The following HMGN3 variants were observed in gnomAD, a reference collection of about 807,000 sequenced individuals.
The protein encoded by HMGN3 is high mobility group nucleosome-binding domain-containing protein 3.
A neutral mutation model predicts 18.8 loss-of-function variants in HMGN3; 6 were observed. The ratio of observed to expected loss-of-function variants is 0.32; its 90% CI spans 0.18 to 0.63. The LOEUF is 0.63. Ranked by LOEUF, HMGN3 falls within the 30% of genes least tolerant of loss-of-function variation. The probability of loss-of-function intolerance (pLI) is 0.79; values close to 1 mark genes in which losing one functional copy is unlikely to be tolerated. For missense variants in HMGN3, 107 were observed against 114.2 expected (o/e 0.94, Z 0.29); for synonymous variants, 40 against 36.5 (o/e 1.10, Z -0.35).
At chr6:79,208,864 T>G (rs999651745) in intron 2 of HMGN3, among the ~76,000 whole-genome samples, 4 of 152,150 alleles carry the variant, frequency 2.6e-5, no homozygotes, top group African/African-American at 9.7e-5. Context: ...AACTTAGGCT[T>G]TATCCCAAAT....
At chr6:79,224,097 T>C (rs1777443414) in intron 1 of HMGN3, among the ~76,000 whole-genome samples, 2 of 152,174 alleles carry the variant, frequency 1.3e-5, no homozygotes, top group Non-Finnish European at 1.5e-5. Flanking sequence ...TCTTATGAGG[T>C]TGGTAAAACA....
At chr6:79,223,739 C>CT (rs11461795) in intron 1 of HMGN3, among the ~76,000 whole-genome samples, 50,494 of 147,374 alleles carry the variant, frequency 0.34, 9,490 homozygotes, top group Non-Finnish European at 0.44. Context: ...CTAGAGTTAC[C>CT]TTTTTTTTTT....
intron 1 of HMGN3, among the ~76,000 whole-genome samples, chr6:79,218,459 A>G (rs1039233140): frequency 3.3e-5 from 5 of 152,248 alleles, no homozygotes; most frequent in Non-Finnish European, 4.4e-5. Context: ...ACTGTGGTAT[A>G]TAATCAAATA....
At chr6:79,201,543 A>T in exon 6 of HMGN3, 1 of 613,328 alleles carries the variant, frequency 1.6e-6, no homozygotes, top group South Asian at 2.2e-5. Context: ...TGACTATGAG[A>T]CGATAAAATG....
chr6:79,202,728 G>A (rs1400137355), intron 4 of HMGN3, among the ~76,000 whole-genome samples: 1 of 152,156 alleles, frequency 6.6e-6, no homozygotes, highest in Non-Finnish European at 1.5e-5. Flanking sequence ...TGCAGGACTT[G>A]GGGAAGGAGG....
At chr6:79,210,732 T>A (rs754214525) in intron 2 of HMGN3, among the ~76,000 whole-genome samples, 21 of 152,174 alleles carry the variant, frequency 1.4e-4, no homozygotes, top group Admixed American at 2.6e-4. Flanking sequence ...TGCCTCCCTA[T>A]CTGCCATCTA....
intron 1 of HMGN3, among the ~76,000 whole-genome samples, chr6:79,218,880 G>A (rs1248286145): frequency 3.9e-5 from 6 of 152,028 alleles, no homozygotes; most frequent in Admixed American, 3.3e-4. Flanking sequence ...CTCAAAACAC[G>A]GATAAACTCT....
intron 1 of HMGN3, among the ~76,000 whole-genome samples, chr6:79,227,887 G>C (rs1384962393): frequency 6.6e-6 from 1 of 152,134 alleles, no homozygotes; most frequent in East Asian, 1.9e-4. Context: ...AGGTGCTATG[G>C]GGGATGAAAG....
chr6:79,234,510 T>C (rs1467697790), intron 1 of HMGN3, 36 bp downstream of exon 1: 2 of 1,604,992 alleles, frequency 1.2e-6, no homozygotes, highest in Non-Finnish European at 1.7e-6. Context: ...AAGCAGAATT[T>C]GAAGGCTTTT....
At chr6:79,210,885 G>GAGAC (rs1776652726) in intron 2 of HMGN3, among the ~76,000 whole-genome samples, 1 of 151,854 alleles carries the variant, frequency 6.6e-6, no homozygotes, top group African/African-American at 2.4e-5. Flanking sequence ...GGGATTTCCA[G>GAGAC]AGACATTCCA....
At chr6:79,208,634 AT>A in intron 2 of HMGN3, 58 bp from the exon 3 acceptor site, 1 of 1,299,280 alleles carries the variant, frequency 7.7e-7, no homozygotes, top group Non-Finnish European at 1.1e-6. Context: ...AACGAAGTTG[AT>A]TTTTAAAAAT....
At chr6:79,204,011 C>T (rs1345733004) in intron 3 of HMGN3, among the ~76,000 whole-genome samples, 1 of 152,246 alleles carries the variant, frequency 6.6e-6, no homozygotes, top group Admixed American at 6.5e-5. Flanking sequence ...GTTGCACTGG[C>T]CTTCCTAACA....
intron 1 of HMGN3, among the ~76,000 whole-genome samples, chr6:79,223,792 C>G (rs2127834305): frequency 1.3e-5 from 2 of 150,356 alleles, no homozygotes; most frequent in East Asian, 3.9e-4. Flanking sequence ...ATGCAGAAAG[C>G]ACGTGGCTCA....
intron 1 of HMGN3, chr6:79,234,228 A>G (rs774180912): frequency 3.5e-6 from 1 of 289,738 alleles, no homozygotes; most frequent in Non-Finnish European, 6.4e-6. Flanking sequence ...GCAAAGAGGA[A>G]ACTCCCTTTC....
intron 3 of HMGN3, among the ~76,000 whole-genome samples, chr6:79,205,999 T>C (rs1157208925): frequency 6.6e-6 from 1 of 152,110 alleles, no homozygotes; most frequent in African/African-American, 2.4e-5. Flanking sequence ...TTGTGGAACT[T>C]TGAATTTGAG....
intron 1 of HMGN3, among the ~76,000 whole-genome samples, chr6:79,231,802 G>C (rs913990588): frequency 6.6e-6 from 1 of 152,058 alleles, no homozygotes; most frequent in Non-Finnish European, 1.5e-5. Context: ...ACTGCTTGTG[G>C]GATCTATAAC....
intron 1 of HMGN3, among the ~76,000 whole-genome samples, chr6:79,218,968 AAG>A (rs1322671215): frequency 1.3e-5 from 2 of 152,164 alleles, no homozygotes; most frequent in African/African-American, 4.8e-5. Flanking sequence ...GGATGAACAA[AAG>A]AGAGGTTAGG....
chr6:79,222,088 C>A (rs1239119003), intron 1 of HMGN3, among the ~76,000 whole-genome samples: 1 of 152,072 alleles, frequency 6.6e-6, no homozygotes, highest in African/African-American at 2.4e-5. Flanking sequence ...TTGCCAGCAG[C>A]CCCAGAATAA....
intron 3 of HMGN3, among the ~76,000 whole-genome samples, 173 bp downstream of exon 3, chr6:79,208,374 T>TG (rs1253164873): frequency 6.6e-6 from 1 of 152,206 alleles, no homozygotes; most frequent in African/African-American, 2.4e-5. Flanking sequence ...TTTGATCAAG[T>TG]GAATTGCTTG....
Sources: allele counts gnomAD v4.1 joint callset (sites outside exome capture counted in the v4.1 genomes callset), GRCh38; gene constraint gnomAD v4.1.1; transcripts MANE v1.5; gene names NCBI Gene and HGNC (gene_info 2026-07-23, HGNC 2026-07-21).